DDX31: variants seen among roughly 807,000 people sequenced by gnomAD.
DDX31 encodes the protein ATP-dependent DNA helicase DDX31.
DDX31 carries 70 observed loss-of-function variants against 91.3 expected under a neutral mutation model. The observed-to-expected ratio is 0.77, with a 90% confidence interval of 0.63 to 0.94. The LOEUF is 0.94. DDX31 is among the 40% of genes least tolerant of loss of function. DDX31 has a pLI of 0.00. For missense variants in DDX31, 902 were observed against 925.0 expected, an observed-to-expected ratio of 0.98 and a Z score of 0.32; for synonymous variants, 362 against 350.6, an observed-to-expected ratio of 1.03 and a Z score of -0.36.
intron 1 of DDX31, among the ~76,000 whole-genome samples, chr9:132,668,347 C>T (rs560759177): frequency 6.6e-6 from 1 of 152,292 alleles, no homozygotes; most frequent in South Asian, 2.1e-4. Context: ...CCCTCCATTG[C>T]ATGGGGATGA....
chr9:132,606,841 A>C (rs1831055493), intron 19 of DDX31, among the ~76,000 whole-genome samples: 1 of 152,014 alleles, frequency 6.6e-6, no homozygotes, highest in South Asian at 2.1e-4. Context: ...GGGGGTACAG[A>C]CTCCTCAAGC....
intron 12 of DDX31, among the ~76,000 whole-genome samples, 185 bp downstream of exon 12, chr9:132,646,638 C>T (rs1833857706): frequency 6.6e-6 from 1 of 152,222 alleles, no homozygotes; most frequent in African/African-American, 2.4e-5. Flanking sequence ...TCATTGACCT[C>T]TGAGTTTTTA....
intron 16 of DDX31, among the ~76,000 whole-genome samples, chr9:132,626,820 C>T (rs1832422887): frequency 6.6e-6 from 1 of 152,120 alleles, no homozygotes; most frequent in South Asian, 2.1e-4. Flanking sequence ...CCAGCCCTCA[C>T]CCCTCAGCAT....
At chr9:132,618,256 G>T (rs1290712942) in intron 18 of DDX31, 74 bp downstream of exon 18, 2 of 1,300,866 alleles carry the variant, frequency 1.5e-6, no homozygotes, top group Non-Finnish European at 2.1e-6. Context: ...CCGGTTTGGG[G>T]GTATGTGGGT....
At position 132,646,872 on chromosome 9, in the gene DDX31, C is replaced by T. The variant is rs201193433; in HGVS notation, c.1154G>A (p.Ser385Asn). Reference protein sequence around the residue: ...SLKQHVTVVPSKLRLVCLAAF... With the variant: ...SLKQHVTVVPNKLRLVCLAAF... ...CGCTAGGCAGACAAGCCTCAGTTTGCTGGGAACCACAGTCACATGCTGCTT... is the reference window on the plus strand; with the variant it reads ...CGCTAGGCAGACAAGCCTCAGTTTGTTGGGAACCACAGTCACATGCTGCTT... The change falls in exon 12 of 20, where the codon AGC becomes AAC. Residue 385 changes from serine to asparagine, a missense_variant. Ser to Asn is a conservative substitution (Grantham distance 46). Transcript: ENST00000372159. 56 of 1,614,168 alleles carry T rather than the reference C, an allele frequency of 3.5e-5. No homozygotes were observed. Among genetic ancestry groups the T allele is most frequent in the Non-Finnish European group, 4.4e-5 (52 of 1,180,024 alleles).
At chr9:132,618,667 T>C (rs1831801544) in intron 17 of DDX31, among the ~76,000 whole-genome samples, 1 of 152,210 alleles carries the variant, frequency 6.6e-6, no homozygotes, top group Non-Finnish European at 1.5e-5. Flanking sequence ...TTTACTTATT[T>C]ACTTACTTTT....
chr9:132,625,460 G>A lies in DDX31; in HGVS notation c.1713+204C>T, dbSNP rs533172254. Among the ~76,000 whole-genome samples the A allele has an allele frequency of 1.1e-4, 16 of 151,660 alleles. No homozygotes were observed. In the South Asian group the frequency reaches 3.3e-3, roughly 32 times the overall value. ...TTCCAGAATGGACCGTAGCCCACTC[G>A]CTAGATGAGAGTGGCAAACGCATCC... On this transcript the variant is annotated intron_variant, in intron 17 of 19. Coordinates refer to ENST00000372159, the MANE Select transcript of DDX31 (RefSeq NM_022779.9).
At position 132,658,674 on chromosome 9, in the gene DDX31, T is replaced by C; in HGVS notation, c.585A>G (p.Ile195Met). 3.7e-6 allele frequency: 6 copies of C among 1,613,838 alleles called. No individual in the cohort carries two copies. In the African/African-American group the frequency reaches 4.0e-5, roughly 11 times the overall value. The change falls in exon 6 of 20, where the codon ATA (isoleucine) becomes ATG (methionine). Residue 195 changes from isoleucine (I) to methionine (M), a missense_variant. By Grantham distance (10) the Ile-to-Met change is conservative. Transcript: ENST00000372159. ...GAAAAACACATTTGATACACACCTG[T>C]ATTTTTGACTCCATTGCTTGAAGGG... ...VQSLQAMESK[I>M]QRSDGPYALV...
chr9:132,640,007 G>T (rs4962202), intron 14 of DDX31, among the ~76,000 whole-genome samples: 36 of 152,266 alleles, frequency 2.4e-4, no homozygotes, highest in Admixed American at 2.3e-3. Flanking sequence ...CAAGTTTCTT[G>T]GGCCCTGTCT....
At chr9:132,636,000 C>T (rs1766033914) in intron 14 of DDX31, among the ~76,000 whole-genome samples, 1 of 152,124 alleles carries the variant, frequency 6.6e-6, no homozygotes, top group African/African-American at 2.4e-5. Context: ...CCCCCAGCGT[C>T]GGAGGCAGGA....
intron 19 of DDX31, among the ~76,000 whole-genome samples, chr9:132,602,119 T>C (rs1830753081): frequency 6.6e-6 from 1 of 152,160 alleles, no homozygotes; most frequent in African/African-American, 2.4e-5. Flanking sequence ...GGCCAAACAA[T>C]GGAAATAAGA....
intron 3 of DDX31, among the ~76,000 whole-genome samples, chr9:132,661,867 C>T (rs1270733276): frequency 6.6e-6 from 1 of 152,172 alleles, no homozygotes; most frequent in East Asian, 1.9e-4. Flanking sequence ...CAGCACAGTT[C>T]CCTCTCCTAT....
rs760847903 is a variant in DDX31 at position 132,651,121 on chromosome 9, A to G, written c.634-5T>C. On this transcript the variant is annotated splice_region_variant and splice_polypyrimidine_tract_variant and intron_variant, in intron 7 of 19. Coordinates refer to ENST00000372159, the MANE Select transcript of DDX31 (RefSeq NM_022779.9). Reference sequence around the variant, plus strand: ...GTCAAAGCTTTGTAGAGCTAGCTGTAAAAATTTTAAAAGTTATAGATGATG... The same window carrying G: ...GTCAAAGCTTTGTAGAGCTAGCTGTGAAAATTTTAAAAGTTATAGATGATG... 6.2e-7 allele frequency: 1 copy of G among 1,607,834 alleles called. No individual in the cohort carries two copies.
Position 132,630,385 on chromosome 9 carries a change from G to C in DDX31, c.1510C>G (p.Pro504Ala), listed in dbSNP as rs1296778619. The C allele has an allele frequency of 3.1e-6, 5 of 1,598,086 alleles. No individual in the cohort carries two copies. In the African/African-American group the frequency reaches 6.7e-5, roughly 21 times the overall value. The stretch of plus-strand genomic sequence containing the variant: ...CCAATCCGGTGGATGTATTCTGCAG[G>C]TGAAGATGGAGCGTTGTACTAAAAA... ...WIVQYNAPSS[P>A]AEYIHRIGRT... The change falls in exon 16 of 20, where the codon CCT (proline) becomes GCT (alanine). Residue 504 changes from proline (P) to alanine (A), a missense_variant. Coordinates refer to ENST00000372159, the MANE Select transcript of DDX31 (RefSeq NM_022779.9).
intron 19 of DDX31, among the ~76,000 whole-genome samples, chr9:132,598,414 G>A (rs1439988580): frequency 6.6e-6 from 1 of 152,092 alleles, no homozygotes; most frequent in Non-Finnish European, 1.5e-5. Flanking sequence ...TAGTAATCCT[G>A]TAGTTACCAA....
intron 19 of DDX31, among the ~76,000 whole-genome samples, chr9:132,611,561 G>C (rs1205560755): frequency 6.6e-6 from 1 of 151,704 alleles, no homozygotes; most frequent in African/African-American, 2.4e-5. Flanking sequence ...TCCTGAACAT[G>C]CTCTTTTTGG....
At chr9:132,657,438 T>C (rs1170945279) in intron 6 of DDX31, among the ~76,000 whole-genome samples, 1 of 118,816 alleles carries the variant, frequency 8.4e-6, no homozygotes, top group Non-Finnish European at 1.6e-5. Context: ...ATGGTGACTT[T>C]CTATTTCTAT....
intron 14 of DDX31, among the ~76,000 whole-genome samples, chr9:132,639,723 C>T (rs184638542): frequency 8.1e-4 from 124 of 152,318 alleles, no homozygotes; most frequent in Admixed American, 1.4e-3. Context: ...TTAAGGCTTA[C>T]AACTCACTCA....
intron 1 of DDX31, among the ~76,000 whole-genome samples, chr9:132,669,256 G>GGGGGGGGGGGGGGGGGGC: frequency 8.7e-6 from 1 of 115,510 alleles, no homozygotes; most frequent in Non-Finnish European, 1.9e-5. Context: ...CACCCCGCCC[G>GGGGGGGGGGGGGGGGGGC]CCCCCCCCAA....
Sources: allele counts gnomAD v4.1 joint callset (sites outside exome capture counted in the v4.1 genomes callset), GRCh38; gene constraint gnomAD v4.1.1; transcripts MANE v1.5; gene names NCBI Gene and HGNC (gene_info 2026-07-23, HGNC 2026-07-21).